The following TRPC6 variants were observed in gnomAD, a reference collection of about 807,000 sequenced individuals.
TRPC6 encodes the protein transient receptor potential cation channel subfamily C member 6.
Under a neutral mutation model 90.7 loss-of-function variants are expected in TRPC6, and 55 were observed. That is an observed-to-expected ratio of 0.61 (90% CI 0.49 to 0.76). The LOEUF is 0.76. Ranked by LOEUF, TRPC6 falls within the 30% of genes least tolerant of loss-of-function variation. The probability of loss-of-function intolerance (pLI) is 0.00; values close to 1 mark genes in which losing one functional copy is unlikely to be tolerated. For missense variants in TRPC6, 989 were observed against 1,122.7 expected (o/e 0.88, Z 1.70); for synonymous variants, 393 against 393.0 (o/e 1.00, Z 0.00).
At chr11:101,524,426 T>TTTTTAGTAGAGACG (rs1372334157) in intron 1 of TRPC6, among the ~76,000 whole-genome samples, 4 of 152,152 alleles carry the variant, frequency 2.6e-5, no homozygotes, top group Non-Finnish European at 5.9e-5. Context: ...TTTTTTGGTA[T>TTTTTAGTAGAGACG]TTTTAGTAGA....
chr11:101,552,154 C>T (rs7943559), intron 1 of TRPC6, among the ~76,000 whole-genome samples: 110,851 of 151,900 alleles, frequency 0.73, 41,082 homozygotes, highest in East Asian at 0.99. Context: ...ATACTTGATG[C>T]ACCCTTTATA....
chr11:101,551,840 G>T (rs180945403), intron 1 of TRPC6, among the ~76,000 whole-genome samples: 8 of 152,190 alleles, frequency 5.3e-5, no homozygotes, highest in Non-Finnish European at 1.0e-4. Context: ...GGCTGTCATG[G>T]TTATTGCTCA....
At chr11:101,555,302 CTTTCT>C (rs1861538362) in intron 1 of TRPC6, among the ~76,000 whole-genome samples, 1 of 152,188 alleles carries the variant, frequency 6.6e-6, no homozygotes, top group East Asian at 1.9e-4. Context: ...AAGGCTGTAC[CTTTCT>C]TTTCAACTTT....
chr11:101,515,983 A>G (rs1008295045), intron 1 of TRPC6, among the ~76,000 whole-genome samples: 1 of 151,964 alleles, frequency 6.6e-6, no homozygotes, highest in Admixed American at 6.6e-5. Context: ...GCATTTGGTG[A>G]GGTTGGCTTT....
intron 7 of TRPC6, 64 bp downstream of exon 7, chr11:101,473,445 C>A: frequency 6.4e-7 from 1 of 1,568,576 alleles, no homozygotes; most frequent in Non-Finnish European, 8.7e-7. Context: ...CTTACATAAA[C>A]GCTGTTAAAC....
chr11:101,533,704 GTTAT>G (rs1179357463), intron 1 of TRPC6, among the ~76,000 whole-genome samples: 1 of 152,090 alleles, frequency 6.6e-6, no homozygotes, highest in Non-Finnish European at 1.5e-5. Flanking sequence ...AGTTTTGGCC[GTTAT>G]TTTTTTTTAA....
At chr11:101,467,033 C>A (rs1859164144) in intron 10 of TRPC6, among the ~76,000 whole-genome samples, 1 of 152,174 alleles carries the variant, frequency 6.6e-6, no homozygotes, top group Admixed American at 6.5e-5. Context: ...CTGTGGCCTG[C>A]ACCCACTGTC....
rs112727405 is a variant in TRPC6, at chr11:101,504,954, GT to G, written c.171-157del. 0.14 allele frequency among the ~76,000 whole-genome samples: 21,672 copies of G among 152,106 alleles called. 1,801 individuals are homozygous for G. The highest frequency in any genetic ancestry group is 0.22 in the African/African-American group (8,975 of 41,474). ...TTATAAAATGAAGATGCATTTATTT[GT>G]TAATGGATTCCAAGAACTTCACGTC... On this transcript the variant is annotated intron_variant, in intron 1 of 12. Transcript: ENST00000344327.
At chr11:101,532,111 G>A (rs1240934094) in intron 1 of TRPC6, among the ~76,000 whole-genome samples, 1 of 152,186 alleles carries the variant, frequency 6.6e-6, no homozygotes, top group African/African-American at 2.4e-5. Context: ...TTGAACCCAA[G>A]GGCACATGTA....
chr11:101,500,656 A>G (rs997232730), intron 2 of TRPC6, among the ~76,000 whole-genome samples: 46 of 43,996 alleles, frequency 1.0e-3, no homozygotes, highest in Non-Finnish European at 1.9e-3. Flanking sequence ...AAAATTTCAT[A>G]TATATGTGTG....
rs149493860 is a variant in TRPC6, at chr11:101,532,637, C to G, written c.171-27839G>C. ...AGCAACTCCTGTAAAGAGAAGAGGT[C>G]TGATGAAAAGTGTGACTCCAGCCCT... On this transcript the variant is annotated intron_variant, in intron 1 of 12. Coordinates refer to ENST00000344327, the MANE Select transcript of TRPC6 (RefSeq NM_004621.6). Among the ~76,000 whole-genome samples the G allele has an allele frequency of 1.1e-4, 16 of 152,220 alleles. 1 individual carries two copies. The East Asian group carries it at 3.1e-3, about 30-fold the overall frequency.
intron 10 of TRPC6, among the ~76,000 whole-genome samples, chr11:101,461,633 A>C (rs1453329422): frequency 6.6e-6 from 1 of 152,222 alleles, no homozygotes; most frequent in Non-Finnish European, 1.5e-5. Flanking sequence ...AAGCTATTTC[A>C]TATTCTTTCA....
intron 2 of TRPC6, among the ~76,000 whole-genome samples, chr11:101,502,004 A>C (rs1237299357): frequency 6.6e-6 from 1 of 152,172 alleles, no homozygotes; most frequent in South Asian, 2.1e-4. Flanking sequence ...CATTAGCAAA[A>C]AGGTATGCAT....
chr11:101,468,325 G>A (rs987553250), intron 10 of TRPC6, among the ~76,000 whole-genome samples: 4 of 152,084 alleles, frequency 2.6e-5, no homozygotes, highest in African/African-American at 9.7e-5. Flanking sequence ...TGTAATGGGC[G>A]ATGGTTGACA....
At position 101,506,602 on chromosome 11, in the gene TRPC6, G is replaced by A. The variant is rs561439720; in HGVS notation, c.171-1804C>T. 6.6e-5 allele frequency among the ~76,000 whole-genome samples: 10 copies of A among 152,008 alleles called. No homozygotes were observed. In the South Asian group the frequency reaches 2.1e-3, roughly 32 times the overall value. ...CCTATTCAAAATCAACCAAACTGAT[G>A]TTTTTTTCAAAGAGACAACTTTGTA... On this transcript the variant is annotated intron_variant, in intron 1 of 12. Transcript: ENST00000344327.
chr11:101,474,670 G>C (rs1859372204), intron 6 of TRPC6, among the ~76,000 whole-genome samples: 1 of 152,028 alleles, frequency 6.6e-6, no homozygotes, highest in Non-Finnish European at 1.5e-5. Flanking sequence ...TAATAATAAT[G>C]GAGGCCTTAT....
At chr11:101,493,934 C>T (rs529677742) in intron 2 of TRPC6, among the ~76,000 whole-genome samples, 1 of 152,208 alleles carries the variant, frequency 6.6e-6, no homozygotes. Context: ...AGTTTAGTAA[C>T]TATTAAAGAG....
intron 10 of TRPC6, among the ~76,000 whole-genome samples, chr11:101,468,946 T>C (rs1190401074): frequency 6.6e-6 from 1 of 152,172 alleles, no homozygotes; most frequent in African/African-American, 2.4e-5. Context: ...TTTGCTACTC[T>C]CAGTGAAGGA....
intron 10 of TRPC6, among the ~76,000 whole-genome samples, chr11:101,459,563 T>G (rs1264290604): frequency 1.3e-5 from 2 of 152,236 alleles, no homozygotes; most frequent in Non-Finnish European, 2.9e-5. Context: ...TTACAATATA[T>G]AATATACATT....
Sources: gnomAD v4.1 joint callset for allele counts (sites outside exome capture counted in the v4.1 genomes callset) on GRCh38, gnomAD v4.1.1 for gene constraint, MANE v1.5 for transcripts, NCBI Gene and HGNC (gene_info 2026-07-23, HGNC 2026-07-21) for gene names.